LY86: variants seen among roughly 807,000 people sequenced by gnomAD.
LY86 encodes MD-1, RP105-associated.
A neutral mutation model predicts 17.3 loss-of-function variants in LY86; 20 were observed. The ratio of observed to expected loss-of-function variants is 1.15; its 90% CI spans 0.81 to 1.68. LY86 has a LOEUF of 1.68. Among genes scored for constraint, LY86 ranks in the 40% most tolerant of loss-of-function variants. LY86 has a pLI of 0.00. For missense variants in LY86, 200 were observed against 191.9 expected (o/e 1.04, Z -0.25); for synonymous variants, 74 against 70.6 (o/e 1.05, Z -0.24).
intron 1 of LY86, among the ~76,000 whole-genome samples, chr6:6,613,854 ACTC>A (rs1187766831): frequency 1.3e-5 from 2 of 152,118 alleles, no homozygotes; most frequent in Admixed American, 1.3e-4. Flanking sequence ...TCCTTCAGTC[ACTC>A]CTCGAACACT....
At chr6:6,606,677 A>G (rs1761166175) in intron 1 of LY86, among the ~76,000 whole-genome samples, 2 of 152,198 alleles carry the variant, frequency 1.3e-5, no homozygotes, top group South Asian at 4.1e-4. Flanking sequence ...CCCAGGTGCT[A>G]AGCCCCTCAC....
chr6:6,633,380 A>G (rs1761921236), intron 3 of LY86, among the ~76,000 whole-genome samples: 1 of 152,200 alleles, frequency 6.6e-6, no homozygotes, highest in Non-Finnish European at 1.5e-5. Context: ...TTTCTTTTTA[A>G]AAATTGTTTT....
chr6:6,619,692 A>C (rs1761630720), intron 1 of LY86, among the ~76,000 whole-genome samples: 1 of 152,226 alleles, frequency 6.6e-6, no homozygotes, highest in African/African-American at 2.4e-5. Flanking sequence ...TGCAGGAAGC[A>C]ATACCAGCTC....
At chr6:6,631,104 C>T (rs1370013382) in intron 3 of LY86, among the ~76,000 whole-genome samples, 1 of 152,006 alleles carries the variant, frequency 6.6e-6, no homozygotes, top group Non-Finnish European at 1.5e-5. Flanking sequence ...ACTGGCAGCG[C>T]TGCATTATTA....
chr6:6,596,966 C>T (rs967299443), intron 1 of LY86, among the ~76,000 whole-genome samples: 2 of 152,126 alleles, frequency 1.3e-5, no homozygotes, highest in Non-Finnish European at 2.9e-5. Context: ...TTCCCAAACG[C>T]TGTTCACAGC....
chr6:6,612,008 A>AGTACTGAGCACTATG (rs60721665), intron 1 of LY86, among the ~76,000 whole-genome samples: 14 of 152,130 alleles, frequency 9.2e-5, no homozygotes, highest in Non-Finnish European at 1.6e-4. Flanking sequence ...GAACACTATG[A>AGTACTGAGCACTATG]AAATAATCTT....
intron 3 of LY86, among the ~76,000 whole-genome samples, chr6:6,635,157 T>C (rs556810046): frequency 6.6e-6 from 1 of 152,332 alleles, no homozygotes; most frequent in South Asian, 2.1e-4. Flanking sequence ...AATAAGCAGC[T>C]TAACAGAAGC....
intron 3 of LY86, among the ~76,000 whole-genome samples, chr6:6,647,772 C>T (rs1024346168): frequency 1.1e-4 from 16 of 152,206 alleles, no homozygotes; most frequent in African/African-American, 3.9e-4. Flanking sequence ...GTCCTCTCCT[C>T]TGTTGATTAA....
At chr6:6,612,447 G>A (rs980817325) in intron 1 of LY86, among the ~76,000 whole-genome samples, 27 of 152,222 alleles carry the variant, frequency 1.8e-4, no homozygotes, top group African/African-American at 5.1e-4. Context: ...ACCTTCATGG[G>A]GAGTGTTACA....
At chr6:6,607,431 AAAGGT>A (rs1292831586) in intron 1 of LY86, among the ~76,000 whole-genome samples, 1 of 152,242 alleles carries the variant, frequency 6.6e-6, no homozygotes, top group Non-Finnish European at 1.5e-5. Flanking sequence ...TTAAATTTTC[AAAGGT>A]AAGTACTACC....
intron 1 of LY86, among the ~76,000 whole-genome samples, chr6:6,601,644 CAG>C (rs1331875454): frequency 6.6e-6 from 1 of 151,912 alleles, no homozygotes; most frequent in Non-Finnish European, 1.5e-5. Flanking sequence ...GGCGTGAACC[CAG>C]GAGGCAGAGC....
intron 1 of LY86, among the ~76,000 whole-genome samples, chr6:6,598,328 C>T (rs931343577): frequency 2.4e-4 from 37 of 151,956 alleles, no homozygotes; most frequent in African/African-American, 8.4e-4. Flanking sequence ...AATACTGATA[C>T]CATGAGTTTA....
At chr6:6,613,229 A>AG (rs1383463858) in intron 1 of LY86, among the ~76,000 whole-genome samples, 2 of 144,780 alleles carry the variant, frequency 1.4e-5, no homozygotes, top group African/African-American at 5.2e-5. Context: ...TGGATCCGGC[A>AG]CTAGGGCCGC....
At chr6:6,603,623 A>AC in intron 1 of LY86, among the ~76,000 whole-genome samples, 8 of 138,426 alleles carry the variant, frequency 5.8e-5, no homozygotes, top group Non-Finnish European at 1.3e-4. Flanking sequence ...AACAAACAAA[A>AC]AAAAACAAAA....
At chr6:6,612,464 A>G (rs1481601712) in intron 1 of LY86, among the ~76,000 whole-genome samples, 2 of 152,214 alleles carry the variant, frequency 1.3e-5, no homozygotes, top group African/African-American at 4.8e-5. Context: ...TACACTTCAT[A>G]AAAGCAATGC....
chr6:6,634,848 G>A (rs1291281548), intron 3 of LY86, among the ~76,000 whole-genome samples: 2 of 152,222 alleles, frequency 1.3e-5, no homozygotes, highest in Non-Finnish European at 2.9e-5. Flanking sequence ...TTTGGGGGGA[G>A]TGCTGGGAAT....
At chr6:6,600,564 TGA>T (rs1324943900) in intron 1 of LY86, among the ~76,000 whole-genome samples, 1 of 119,962 alleles carries the variant, frequency 8.3e-6, no homozygotes, top group African/African-American at 3.4e-5. Context: ...CACTCCAGCC[TGA>T]GAGACAGAGT....
chr6:6,642,565 A>G (rs537161383), intron 3 of LY86, among the ~76,000 whole-genome samples: 1 of 152,246 alleles, frequency 6.6e-6, no homozygotes, highest in Non-Finnish European at 1.5e-5. Flanking sequence ...AGCTACCGTG[A>G]CATTCGCCCT....
chr6:6,647,968 TACACACAC>T (rs57233850), intron 3 of LY86, among the ~76,000 whole-genome samples: 1,862 of 144,776 alleles, frequency 0.013, 26 homozygotes, highest in African/African-American at 0.035. Flanking sequence ...AATCATCACA[TACACACAC>T]ACACACACAC....
Sources: allele counts gnomAD v4.1 joint callset (sites outside exome capture counted in the v4.1 genomes callset), GRCh38; gene constraint gnomAD v4.1.1; transcripts MANE v1.5; gene names NCBI Gene and HGNC (gene_info 2026-07-23, HGNC 2026-07-21).